Variants in GSE1 observed in about 807,000 individuals in gnomAD.
GSE1 encodes the protein genetic suppressor element 1.
A neutral mutation model predicts 112.6 loss-of-function variants in GSE1; 32 were observed. The observed-to-expected ratio is 0.28, with a 90% CI of 0.21 to 0.38. The LOEUF (loss-of-function observed/expected upper bound fraction) is 0.38. GSE1 is among the 10% of genes least tolerant of loss of function. The pLI is 1.00. For missense variants in GSE1, 2,348 were observed against 1,699.2 expected (o/e 1.38, Z -6.71); for synonymous variants, 1,115 against 735.6 (o/e 1.52, Z -8.35).
At chr16:85,257,616 C>T (rs1393197714) in intron 1 of GSE1, among the ~76,000 whole-genome samples, 3 of 152,184 alleles carry the variant, frequency 2.0e-5, no homozygotes, top group Non-Finnish European at 4.4e-5. Context: ...AAAAAACTAG[C>T]CTGGGCAACA....
chr16:85,602,033 A>G (rs2047488772), intron 1 of GSE1, among the ~76,000 whole-genome samples: 1 of 152,018 alleles, frequency 6.6e-6, no homozygotes, highest in Admixed American at 6.6e-5. Flanking sequence ...GGAGGAAGAG[A>G]GAGTGCAGTT....
intron 1 of GSE1, among the ~76,000 whole-genome samples, chr16:85,240,715 G>C (rs553459270): frequency 6.6e-6 from 1 of 152,212 alleles, no homozygotes; most frequent in South Asian, 2.1e-4. Flanking sequence ...TGCCCATAAG[G>C]ACTGCCATTG....
chr16:85,514,469 C>A (rs2051858198), intron 2 of GSE1, among the ~76,000 whole-genome samples: 2 of 141,930 alleles, frequency 1.4e-5, no homozygotes, highest in African/African-American at 5.1e-5. Context: ...ATCCTTGGCT[C>A]TGGAGGAGGG....
chr16:85,516,798 C>CT (rs71151300), intron 2 of GSE1, among the ~76,000 whole-genome samples: 47,449 of 129,526 alleles, frequency 0.37, 9,132 homozygotes, highest in East Asian at 0.51. Flanking sequence ...TGTCTTGGTT[C>CT]TTTTTTTTTT....
At chr16:85,631,705 G>A (rs988524447) in intron 1 of GSE1, among the ~76,000 whole-genome samples, 12 of 152,220 alleles carry the variant, frequency 7.9e-5, no homozygotes, top group Non-Finnish European at 1.8e-4. Context: ...ACCCCATTAT[G>A]CTCAGGGGAG....
At chr16:85,214,149 C>T (rs911934871) in intron 1 of GSE1, among the ~76,000 whole-genome samples, 1 of 152,204 alleles carries the variant, frequency 6.6e-6, no homozygotes, top group African/African-American at 2.4e-5. Flanking sequence ...ACTGGCGTGC[C>T]CGCCGGCCTC....
chr16:85,613,237 G>T (rs2048113103), upstream of GSE1: 1 of 1,515,246 alleles, frequency 6.6e-7, no homozygotes, highest in Admixed American at 2.2e-5. Flanking sequence ...GACAGCAGCA[G>T]GTGTTTCTTG....
At chr16:85,230,046 C>T (rs755354475) in intron 1 of GSE1, among the ~76,000 whole-genome samples, 20 of 152,204 alleles carry the variant, frequency 1.3e-4, no homozygotes, top group Non-Finnish European at 2.5e-4. Context: ...CTGTGGGGGG[C>T]AGGCTGGGCC....
intron 2 of GSE1, among the ~76,000 whole-genome samples, chr16:85,645,350 G>T (rs559470508): frequency 1.5e-4 from 23 of 152,186 alleles, no homozygotes; most frequent in African/African-American, 5.1e-4. Flanking sequence ...CCTCTGGGCC[G>T]CTCTGGGGCG....
chr16:85,436,853 T>C (rs571067456), intron 2 of GSE1, among the ~76,000 whole-genome samples: 167 of 152,252 alleles, frequency 1.1e-3, no homozygotes, highest in Non-Finnish European at 2.0e-3. Flanking sequence ...TGGGCTGGGC[T>C]CGGTTCCCCC....
chr16:85,307,210 G>A (rs974453243), intron 1 of GSE1, among the ~76,000 whole-genome samples: 1 of 152,230 alleles, frequency 6.6e-6, no homozygotes, highest in Non-Finnish European at 1.5e-5. Flanking sequence ...GTTGTCAAAT[G>A]GTTTGCATGG....
At chr16:85,385,340 G>C (rs1469916572) in intron 2 of GSE1, among the ~76,000 whole-genome samples, 1 of 152,230 alleles carries the variant, frequency 6.6e-6, no homozygotes, top group Non-Finnish European at 1.5e-5. Context: ...CCATCTGTGT[G>C]TGAGGCCAGG....
chr16:85,264,159 G>T, intron 1 of GSE1, among the ~76,000 whole-genome samples: 1 of 152,164 alleles, frequency 6.6e-6, no homozygotes, highest in Non-Finnish European at 1.5e-5. Context: ...GTGGGAGGGT[G>T]GGGGGCAGCT....
Position 85,311,956 on chromosome 16 carries a change from A to G in GSE1, c.2284-45507A>G, listed in dbSNP as rs1301058498. On this transcript the variant is annotated intron_variant, in intron 1 of 2. Transcript: ENST00000637419. The surrounding 1 kb of genome is among the most constrained non-coding windows in gnomAD (Gnocchi z 4.2). ...CACTGCCCAGCCCCAGCCCCGCACC[A>G]CTGTCCTCATGTCTGGAGATGTGGG... is the stretch of plus-strand genomic sequence containing the variant. Among the ~76,000 whole-genome samples, 1 of 152,076 alleles carries G rather than the reference A, an allele frequency of 6.6e-6. No homozygotes were observed. Among genetic ancestry groups the G allele is most frequent in the Non-Finnish European group, 1.5e-5 (1 of 68,008 alleles).
rs1045680294 is a variant in GSE1, at chr16:85,206,687, G to A, written c.2283+34880G>A. ...GCCCCTGCCCGTCCCCTCCCCGGCTGGGCCCCCAGCGTCCTCAGCAGGCCC... is the reference window on the plus strand; with the variant it reads ...GCCCCTGCCCGTCCCCTCCCCGGCTAGGCCCCCAGCGTCCTCAGCAGGCCC... On this transcript the variant is annotated intron_variant, in intron 1 of 2. Transcript: ENST00000637419. 3.5e-5 allele frequency among the ~76,000 whole-genome samples: 5 copies of A among 144,772 alleles called. No homozygotes were observed. In the East Asian group the frequency reaches 8.1e-4, roughly 23 times the overall value. The allele number at this position is 144,772 out of a possible 152,430, so 95.0% of individuals were successfully genotyped here.
At chr16:85,668,513 C>T (rs1472792997) in intron 14 of GSE1, 89 bp downstream of exon 14, 2 of 862,288 alleles carry the variant, frequency 2.3e-6, no homozygotes, top group Non-Finnish European at 3.6e-6. Flanking sequence ...AGACCTCTGC[C>T]AGCCTGGGGA....
chr16:85,236,360 A>G (rs1390079849), intron 1 of GSE1, among the ~76,000 whole-genome samples: 1 of 151,994 alleles, frequency 6.6e-6, no homozygotes, highest in African/African-American at 2.4e-5. Flanking sequence ...ACAGAGCTTC[A>G]TTTTCACATC....
chr16:85,404,568 G>C (rs1597622704), intron 2 of GSE1, among the ~76,000 whole-genome samples: 4 of 70,294 alleles, frequency 5.7e-5, no homozygotes, highest in African/African-American at 2.2e-4. Context: ...GGGCCCCCCT[G>C]GATAATCCTC....
At chr16:85,599,009 A>G (rs557440877) in intron 1 of GSE1, among the ~76,000 whole-genome samples, 3 of 152,254 alleles carry the variant, frequency 2.0e-5, no homozygotes, top group East Asian at 3.9e-4. Context: ...TTTTTCTTGG[A>G]TGTTGTGAAT....
Sources: gnomAD v4.1 joint callset for allele counts (sites outside exome capture counted in the v4.1 genomes callset) on GRCh38, gnomAD v4.1.1 for gene constraint, Gnocchi (gnomAD v3.1) non-coding constraint, MANE v1.5 for transcripts, NCBI Gene and HGNC (gene_info 2026-07-23, HGNC 2026-07-21) for gene names.